The following ALCAM variants were observed in gnomAD, a reference collection of about 807,000 sequenced individuals.
The protein encoded by ALCAM is CD166 antigen.
Under a neutral mutation model 70.9 loss-of-function variants are expected in ALCAM, and 30 were observed. The ratio of observed to expected loss-of-function variants is 0.42; its 90% CI spans 0.32 to 0.57. The LOEUF (loss-of-function observed/expected upper bound fraction) is 0.57. Ranked by LOEUF, ALCAM falls within the 20% of genes least tolerant of loss-of-function variation. ALCAM has a pLI of 0.11. For missense variants in ALCAM, 591 were observed against 695.1 expected, an observed-to-expected ratio of 0.85 and a Z score of 1.68; for synonymous variants, 249 against 242.5, an observed-to-expected ratio of 1.03 and a Z score of -0.25.
intron 1 of ALCAM, among the ~76,000 whole-genome samples, chr3:105,498,081 C>T (rs909028495): frequency 2.9e-4 from 44 of 151,478 alleles, no homozygotes; most frequent in African/African-American, 1.1e-3. Flanking sequence ...GAAGCACCCA[C>T]CATGTTCCAG....
intron 1 of ALCAM, among the ~76,000 whole-genome samples, chr3:105,431,078 A>T (rs2107437113): frequency 6.6e-6 from 1 of 152,102 alleles, no homozygotes; most frequent in East Asian, 1.9e-4. Flanking sequence ...TTAAAAATAG[A>T]AAGTATATTC....
intron 1 of ALCAM, among the ~76,000 whole-genome samples, chr3:105,472,849 A>G (rs947502324): frequency 1.3e-5 from 2 of 151,550 alleles, no homozygotes; most frequent in African/African-American, 4.8e-5. Flanking sequence ...TCTGCAAAAT[A>G]AGGACAAAGA....
chr3:105,454,827 G>A (rs972414151), intron 1 of ALCAM, among the ~76,000 whole-genome samples: 1 of 151,446 alleles, frequency 6.6e-6, no homozygotes, highest in African/African-American at 2.4e-5. Flanking sequence ...ACACCACAGC[G>A]CCCAGCTGAT....
intron 3 of ALCAM, among the ~76,000 whole-genome samples, chr3:105,529,384 AT>A (rs925349682): frequency 5.3e-5 from 8 of 152,264 alleles, no homozygotes; most frequent in Non-Finnish European, 1.0e-4. Context: ...CACATAGACT[AT>A]TTTTTAACAC....
intron 14 of ALCAM, among the ~76,000 whole-genome samples, chr3:105,564,502 A>G (rs1438110653): frequency 2.0e-5 from 3 of 152,224 alleles, no homozygotes; most frequent in African/African-American, 7.2e-5. Context: ...TCATTCTGAA[A>G]AACCTCCTTT....
At chr3:105,445,701 A>T (rs780890381) in intron 1 of ALCAM, among the ~76,000 whole-genome samples, 12 of 152,194 alleles carry the variant, frequency 7.9e-5, no homozygotes, top group Non-Finnish European at 1.3e-4. Flanking sequence ...ACTTATTTTC[A>T]ACAAAGGTGC....
At chr3:105,471,513 TG>T (rs1334069035) in intron 1 of ALCAM, among the ~76,000 whole-genome samples, 2 of 151,300 alleles carry the variant, frequency 1.3e-5, no homozygotes, top group African/African-American at 2.4e-5. Flanking sequence ...AGTTATGTTC[TG>T]GGGTGACGTC....
At chr3:105,446,550 C>T (rs1937302613) in intron 1 of ALCAM, among the ~76,000 whole-genome samples, 1 of 150,798 alleles carries the variant, frequency 6.6e-6, no homozygotes, top group African/African-American at 2.4e-5. Context: ...TCATAATAGC[C>T]ATGATATGGA....
intron 9 of ALCAM, among the ~76,000 whole-genome samples, chr3:105,546,840 A>G (rs1177633074): frequency 1.3e-5 from 2 of 151,236 alleles, no homozygotes; most frequent in Non-Finnish European, 3.0e-5. Flanking sequence ...TAATAGGATT[A>G]TTTTCTGTAT....
chr3:105,520,880 A>C (rs1254483919), intron 2 of ALCAM, among the ~76,000 whole-genome samples: 1 of 152,150 alleles, frequency 6.6e-6, no homozygotes, highest in African/African-American at 2.4e-5. Context: ...ACCACAGGAG[A>C]CTCATGACAG....
intron 1 of ALCAM, among the ~76,000 whole-genome samples, chr3:105,477,902 T>C (rs959520442): frequency 2.0e-5 from 3 of 152,132 alleles, no homozygotes; most frequent in Non-Finnish European, 4.4e-5. Context: ...TAGACTTCCA[T>C]TTGTTTCCTT....
At chr3:105,526,332 C>G (rs1189683477) in intron 3 of ALCAM, among the ~76,000 whole-genome samples, 1 of 149,414 alleles carries the variant, frequency 6.7e-6, no homozygotes, top group Non-Finnish European at 1.5e-5. Context: ...TGCAAGAAAT[C>G]ATACCTGTAA....
At chr3:105,551,097 C>T (rs1940391037) in intron 12 of ALCAM, among the ~76,000 whole-genome samples, 1 of 151,540 alleles carries the variant, frequency 6.6e-6, no homozygotes, top group Non-Finnish European at 1.5e-5. Context: ...CAGGCTAGGA[C>T]TACACTAGCT....
chr3:105,388,938 G>A (rs1456569467), intron 1 of ALCAM, among the ~76,000 whole-genome samples: 1 of 151,538 alleles, frequency 6.6e-6, no homozygotes, highest in Non-Finnish European at 1.5e-5. Context: ...ATTGAAACAA[G>A]TAACTTAAGT....
chr3:105,469,351 CCTT>C (rs1219668166), intron 1 of ALCAM, among the ~76,000 whole-genome samples: 1 of 151,196 alleles, frequency 6.6e-6, no homozygotes, highest in Non-Finnish European at 1.5e-5. Context: ...CAGCACTTGT[CCTT>C]CTTCTCCCTC....
intron 5 of ALCAM, 87 bp from the exon 6 acceptor site, chr3:105,534,576 C>A (rs926169335): frequency 6.1e-6 from 8 of 1,307,598 alleles, no homozygotes; most frequent in Admixed American, 3.5e-5. Flanking sequence ...GGAAAAAAAA[C>A]ACTTCTCAAA....
chr3:105,534,753 A>C lies in ALCAM; in HGVS notation c.638A>C (p.Asp213Ala), dbSNP rs1215983705. The C allele has an allele frequency of 3.7e-6, 6 of 1,613,880 alleles. No homozygotes were observed. Among genetic ancestry groups the C allele is most frequent in the Non-Finnish European group, 5.1e-6 (6 of 1,179,830 alleles). ...STLEYKTTKA[D>A]IQMPFTCSVT... ...CTGGAGTACAAGACAACCAAGGCTG[A>C]CATACAAATGCCATTCACCTGCTCG... The change falls in exon 6 of 16, where the codon GAC (aspartate) becomes GCC (alanine). Residue 213 changes from aspartate to alanine, a missense_variant. This residue lies in a region of ALCAM where 427 missense variants were observed against 450.4 expected (regional missense o/e 0.95). Coordinates refer to ENST00000306107, the MANE Select transcript of ALCAM (RefSeq NM_001627.4).
intron 1 of ALCAM, among the ~76,000 whole-genome samples, chr3:105,511,851 A>T (rs1296468415): frequency 6.6e-6 from 1 of 151,260 alleles, no homozygotes; most frequent in East Asian, 2.0e-4. Flanking sequence ...TCACTCAACC[A>T]ATTCAGAAGC....
intron 1 of ALCAM, among the ~76,000 whole-genome samples, chr3:105,447,491 G>A (rs904900373): frequency 1.4e-4 from 21 of 152,208 alleles, no homozygotes; most frequent in Non-Finnish European, 2.4e-4. Context: ...TTGAGCCCAG[G>A]AGCTTGAGAC....
Sources: gnomAD v4.1 joint callset for allele counts (sites outside exome capture counted in the v4.1 genomes callset) on GRCh38, gnomAD v4.1.1 for gene constraint, gnomAD v4.1.1 regional missense constraint, MANE v1.5 for transcripts, NCBI Gene and HGNC (gene_info 2026-07-23, HGNC 2026-07-21) for gene names.